CARF: variants seen among roughly 807,000 people sequenced by gnomAD.
CARF encodes calcium-responsive transcription factor.
CARF carries 57 observed loss-of-function variants against 82.0 expected under a neutral mutation model. The ratio of observed to expected loss-of-function variants is 0.70; its 90% CI spans 0.56 to 0.87. CARF has a LOEUF of 0.87. CARF is among the 40% of genes least tolerant of loss of function. CARF has a pLI of 0.00. For missense variants in CARF, 771 were observed against 855.8 expected (o/e 0.90, Z 1.24); for synonymous variants, 268 against 290.1 (o/e 0.92, Z 0.77).
chr2:202,933,492 A>G (rs1037135491), intron 3 of CARF, among the ~76,000 whole-genome samples: 1 of 152,048 alleles, frequency 6.6e-6, no homozygotes, highest in African/African-American at 2.4e-5. Context: ...GGTGAGGTCT[A>G]TTGGTAGGGT....
rs1363272638 is a variant in CARF, at chr2:202,913,106, T to A, written c.-330+4T>A. ...TGCAAAATTTATGGGCAGACCGGTATGTGTGCAGGTGAAGACAAAGCTTTC... is the reference window on the plus strand; with the variant it reads ...TGCAAAATTTATGGGCAGACCGGTAAGTGTGCAGGTGAAGACAAAGCTTTC... On this transcript the variant is annotated splice_donor_region_variant and intron_variant, in intron 1 of 16. Coordinates refer to ENST00000438828, the MANE Select transcript of CARF (RefSeq NM_024744.17). The A allele has an allele frequency of 1.3e-5, 2 of 152,292 alleles. No homozygotes were observed. The highest frequency in any genetic ancestry group is 2.9e-5 in the Non-Finnish European group (2 of 68,030). 9.4% of individuals were successfully genotyped at this position (152,292 alleles called of 1,614,324 possible). A position where few individuals can be genotyped will look rare whatever the true frequency, so the allele number is the denominator to read the frequency against.
At chr2:202,918,180 A>G (rs1574455805) in intron 2 of CARF, 137 bp downstream of exon 2, 1 of 296,028 alleles carries the variant, frequency 3.4e-6, no homozygotes, top group African/African-American at 2.3e-5. Flanking sequence ...TGGAAAAAAC[A>G]TTTTATACTT....
intron 6 of CARF, among the ~76,000 whole-genome samples, 153 bp downstream of exon 6, chr2:202,952,832 A>G (rs1303908208): frequency 2.0e-5 from 3 of 152,206 alleles, no homozygotes; most frequent in Admixed American, 6.5e-5. Flanking sequence ...GCCCAAATAA[A>G]TTCAAAGTTC....
At chr2:202,964,378 CAA>C (rs1253530957) in intron 9 of CARF, among the ~76,000 whole-genome samples, 2 of 152,226 alleles carry the variant, frequency 1.3e-5, no homozygotes, top group East Asian at 3.9e-4. Flanking sequence ...CTCCTTGGCT[CAA>C]GAGATCCTCC....
At chr2:202,956,162 G>A (rs1184531677) in intron 8 of CARF, among the ~76,000 whole-genome samples, 1 of 149,420 alleles carries the variant, frequency 6.7e-6, no homozygotes, top group African/African-American at 2.5e-5. Flanking sequence ...TTTGTCTTTT[G>A]GAGCACTTAC....
At chr2:202,919,799 G>T (rs1690445253) in intron 2 of CARF, among the ~76,000 whole-genome samples, 2 of 152,188 alleles carry the variant, frequency 1.3e-5, no homozygotes, top group African/African-American at 4.8e-5. Flanking sequence ...ATAAACACAT[G>T]TAGGTTTGAG....
At chr2:202,969,467 T>C (rs1005864879) in intron 10 of CARF, among the ~76,000 whole-genome samples, 2 of 151,532 alleles carry the variant, frequency 1.3e-5, no homozygotes, top group Non-Finnish European at 2.9e-5. Flanking sequence ...CCCAGCTACT[T>C]GAGAGGCTGA....
At chr2:202,952,798 T>A in intron 6 of CARF, 119 bp downstream of exon 6, 1 of 1,018,364 alleles carries the variant, frequency 9.8e-7, no homozygotes, top group Non-Finnish European at 1.4e-6. Context: ...GATTATGAAT[T>A]AAATAATTAG....
chr2:202,918,382 A>T (rs1364517842), intron 2 of CARF, among the ~76,000 whole-genome samples: 1 of 151,988 alleles, frequency 6.6e-6, no homozygotes, highest in African/African-American at 2.4e-5. Flanking sequence ...TTAGCCGGGC[A>T]TGGTGGCGGG....
chr2:202,950,193 G>A (rs1381965718), intron 5 of CARF, among the ~76,000 whole-genome samples: 1 of 152,090 alleles, frequency 6.6e-6, no homozygotes, highest in Non-Finnish European at 1.5e-5. Context: ...TTAGGTACCA[G>A]GGGGACTTAG....
chr2:202,958,249 A>ATGTGTGTGTGTGTG (rs71034206), intron 8 of CARF, among the ~76,000 whole-genome samples: 7,821 of 139,900 alleles, frequency 0.056, 288 homozygotes, highest in South Asian at 0.11. Context: ...ATATACATAT[A>ATGTGTGTGTGTGTG]TGTGTGTGTG....
intron 9 of CARF, chr2:202,962,269 A>G (rs1312783441): frequency 2.0e-5 from 3 of 152,156 alleles, no homozygotes; most frequent in African/African-American, 7.2e-5. Context: ...AGGCGAGAGG[A>G]TTGCTTGAGC....
At chr2:202,932,583 C>G (rs536942224) in intron 3 of CARF, among the ~76,000 whole-genome samples, 1 of 152,166 alleles carries the variant, frequency 6.6e-6, no homozygotes, top group Admixed American at 6.5e-5. Context: ...GGGGATGAAG[C>G]ACTGTGTAAT....
At chr2:202,928,766 G>A (rs888981117) in intron 3 of CARF, among the ~76,000 whole-genome samples, 4 of 151,724 alleles carry the variant, frequency 2.6e-5, no homozygotes, top group South Asian at 2.1e-4. Flanking sequence ...TGTCTTCTTC[G>A]TCAGACAGGG....
intron 11 of CARF, among the ~76,000 whole-genome samples, chr2:202,970,275 G>T (rs2059734320): frequency 6.6e-6 from 1 of 152,084 alleles, no homozygotes; most frequent in East Asian, 1.9e-4. Flanking sequence ...TCAGACCAAA[G>T]AATTATTCCA....
At chr2:202,927,666 C>T (rs1255675275) in intron 3 of CARF, among the ~76,000 whole-genome samples, 1 of 152,092 alleles carries the variant, frequency 6.6e-6, no homozygotes, top group Non-Finnish European at 1.5e-5. Flanking sequence ...TCATCTCAAA[C>T]ATTTTTCATT....
Position 202,943,656 on chromosome 2 carries a change from T to TG in CARF, c.306+689_306+690insG, listed in dbSNP as rs1457063422. Among the ~76,000 whole-genome samples the TG allele has an allele frequency of 3.7e-3, 543 of 147,544 alleles. 4 individuals are homozygous for TG. Among genetic ancestry groups the TG allele is most frequent in the Non-Finnish European group, 6.0e-3 (396 of 66,520 alleles). On this transcript the variant is annotated intron_variant, in intron 5 of 16. Transcript: ENST00000438828. ...TATTAGGCTAACTCCAGTTTTGTTT[T>TG]TTTTTTTCTGAGATGGAGTCTTGCT...
rs571133214 is a variant in CARF at position 202,927,646 on chromosome 2, A to G, written c.-44+3231A>G. The stretch of plus-strand genomic sequence containing the variant: ...GTGTAATGATCAAATCAGGATAGTT[A>G]GCATATTCATCATCTCAAACATTTT... On this transcript the variant is annotated intron_variant, in intron 3 of 16. Coordinates refer to ENST00000438828, the MANE Select transcript of CARF (RefSeq NM_024744.17). Among the ~76,000 whole-genome samples the G allele has an allele frequency of 5.9e-5, 9 of 152,300 alleles. No individual in the cohort carries two copies. The South Asian group carries it at 1.9e-3, about 32-fold the overall frequency.
chr2:202,962,037 G>A (rs928198070), intron 9 of CARF: 13 of 152,250 alleles, frequency 8.5e-5, no homozygotes, highest in African/African-American at 2.9e-4. Context: ...GGACTATGAG[G>A]GCACTAATTT....
Sources: allele counts gnomAD v4.1 joint callset (sites outside exome capture counted in the v4.1 genomes callset), GRCh38; gene constraint gnomAD v4.1.1; transcripts MANE v1.5; gene names NCBI Gene and HGNC (gene_info 2026-07-23, HGNC 2026-07-21).